PPFIA2: variants seen among roughly 807,000 people sequenced by gnomAD.
The protein encoded by PPFIA2 is liprin-alpha-2.
A neutral mutation model predicts 175.5 loss-of-function variants in PPFIA2; 46 were observed. The observed-to-expected ratio is 0.26, with a 90% CI of 0.21 to 0.34. The LOEUF is 0.34. Among genes scored for constraint, PPFIA2 ranks in the 10% least tolerant of loss-of-function variants. PPFIA2 has a pLI of 1.00. For missense variants in PPFIA2, 1,179 were observed against 1,506.1 expected (o/e 0.78, Z 3.60); for synonymous variants, 568 against 511.4 (o/e 1.11, Z -1.49).
intron 4 of PPFIA2, among the ~76,000 whole-genome samples, chr12:81,656,903 C>T (rs966665413): frequency 6.6e-6 from 1 of 151,820 alleles, no homozygotes; most frequent in Non-Finnish European, 1.5e-5. Flanking sequence ...GGGCATATTC[C>T]TATTATGTGG....
chr12:81,458,595 T>C (rs1216585057), intron 4 of PPFIA2, among the ~76,000 whole-genome samples: 1 of 152,088 alleles, frequency 6.6e-6, no homozygotes, highest in Non-Finnish European at 1.5e-5. Context: ...AGTAATTCTG[T>C]CTTCATGTGG....
chr12:81,756,073 G>T lies in PPFIA2; in HGVS notation c.-2-1850C>A, dbSNP rs187760176. 4.8e-3 allele frequency among the ~76,000 whole-genome samples: 726 copies of T among 151,298 alleles called. 4 individuals carry two copies. The highest frequency in any genetic ancestry group is 0.017 in the African/African-American group (691 of 41,252). On this transcript the variant is annotated intron_variant, in intron 2 of 32. Coordinates refer to ENST00000549396, the MANE Select transcript of PPFIA2 (RefSeq NM_003625.5). Reference sequence around the variant, plus strand: ...TCCAACACATTTGATTATTTAAAACGATTAGTTAGCAGGCCATGCATGAAA... The same window carrying T: ...TCCAACACATTTGATTATTTAAAACTATTAGTTAGCAGGCCATGCATGAAA...
At chr12:81,504,979 CACCGGG>C (rs2060992413) in intron 4 of PPFIA2, among the ~76,000 whole-genome samples, 1 of 152,134 alleles carries the variant, frequency 6.6e-6, no homozygotes. Flanking sequence ...GAACATCACA[CACCGGG>C]CCCTGTCAGG....
intron 24 of PPFIA2, among the ~76,000 whole-genome samples, chr12:81,285,459 T>A (rs2043097022): frequency 6.6e-6 from 1 of 152,116 alleles, no homozygotes; most frequent in African/African-American, 2.4e-5. Context: ...TAACTACATA[T>A]AAATTGATGA....
intron 28 of PPFIA2, among the ~76,000 whole-genome samples, chr12:81,275,296 T>C (rs1050994204): frequency 3.3e-5 from 5 of 152,220 alleles, no homozygotes; most frequent in African/African-American, 1.2e-4. Context: ...TTCGAAGTAA[T>C]GCATCAAATG....
At chr12:81,736,033 T>C (rs964697695) in intron 3 of PPFIA2, among the ~76,000 whole-genome samples, 1 of 151,920 alleles carries the variant, frequency 6.6e-6, no homozygotes, top group Non-Finnish European at 1.5e-5. Flanking sequence ...TTTTTCAAGA[T>C]TGTTTTAATT....
chr12:81,396,645 T>G (rs2041185354), intron 8 of PPFIA2, among the ~76,000 whole-genome samples: 1 of 152,056 alleles, frequency 6.6e-6, no homozygotes, highest in Non-Finnish European at 1.5e-5. Context: ...CACTCTTGTA[T>G]CAAAATATCA....
Position 81,405,837 on chromosome 12 carries a change from C to T in PPFIA2, c.712G>A (p.Glu238Lys), listed in dbSNP as rs746475710. The T allele has an allele frequency of 3.2e-6, 5 of 1,582,404 alleles. No homozygotes were observed. In the East Asian group the frequency reaches 1.1e-4, roughly 36 times the overall value. Reference sequence around the variant, plus strand: ...TCCATCCCTTCAAGATGTTCTGACTCTGTGGATCCCTCGCTTGATGCCATT... The same window carrying T: ...TCCATCCCTTCAAGATGTTCTGACTTTGTGGATCCCTCGCTTGATGCCATT... ...RKMASSEGST[E>K]SEHLEGMEPG... Residue 238 changes from glutamate to lysine, a missense_variant, in exon 8 of 33, where the codon GAG becomes AAG. Glu to Lys is a moderately conservative substitution (Grantham distance 56). Transcript: ENST00000549396.
chr12:81,303,913 C>T (rs1219469862), intron 22 of PPFIA2, among the ~76,000 whole-genome samples: 2 of 152,326 alleles, frequency 1.3e-5, no homozygotes, highest in Middle Eastern at 3.4e-3. Flanking sequence ...GGTTGAATGA[C>T]TAAATCCAGA....
At chr12:81,274,516 T>C (rs1459965314) in intron 28 of PPFIA2, among the ~76,000 whole-genome samples, 1 of 145,198 alleles carries the variant, frequency 6.9e-6, no homozygotes, top group Non-Finnish European at 1.5e-5. Flanking sequence ...AAAATACTTC[T>C]TTTTTTTTTC....
chr12:81,449,909 A>G (rs1352997308), intron 5 of PPFIA2, among the ~76,000 whole-genome samples: 2 of 150,588 alleles, frequency 1.3e-5, no homozygotes, highest in Non-Finnish European at 2.9e-5. Flanking sequence ...TTGTCCTTGC[A>G]ATAGTTTGCT....
intron 4 of PPFIA2, among the ~76,000 whole-genome samples, chr12:81,484,736 C>G (rs896344444): frequency 6.6e-6 from 1 of 151,816 alleles, no homozygotes; most frequent in Non-Finnish European, 1.5e-5. Flanking sequence ...TTTAAAACTT[C>G]ATATGTTAAA....
At chr12:81,496,402 A>T (rs2060027737) in intron 4 of PPFIA2, among the ~76,000 whole-genome samples, 1 of 152,212 alleles carries the variant, frequency 6.6e-6, no homozygotes, top group Admixed American at 6.5e-5. Context: ...CTATTATATC[A>T]TGTGAAATTT....
At chr12:81,662,030 T>G (rs2068985138) in intron 4 of PPFIA2, among the ~76,000 whole-genome samples, 1 of 151,856 alleles carries the variant, frequency 6.6e-6, no homozygotes, top group Non-Finnish European at 1.5e-5. Context: ...TACCAGAATC[T>G]CTGGGACACA....
chr12:81,368,308 T>C (rs2034122770), intron 13 of PPFIA2: 1 of 476,128 alleles, frequency 2.1e-6, no homozygotes. Context: ...ATAAACTCAC[T>C]TACATTTTGA....
rs371002254 is a variant in PPFIA2, at chr12:81,642,697, CATGTATATGT to C, written c.303+34084_303+34093del. 3.0e-4 allele frequency among the ~76,000 whole-genome samples: 2 copies of C among 6,716 alleles called. 1 individual carries two copies. The highest frequency in any genetic ancestry group is 9.6e-4 in the African/African-American group (2 of 2,082). The allele number at this position is 6,716 out of a possible 152,430, so 4.4% of individuals were successfully genotyped here. On this transcript the variant is annotated intron_variant, in intron 4 of 32. Transcript: ENST00000549396. ...CATGTATGTATCTATTATATACATACATGTATATGTATGTATGTATTATATACATACATGT... is the reference window on the plus strand; with the variant it reads ...CATGTATGTATCTATTATATACATACATGTATGTATTATATACATACATGT...
At chr12:81,447,958 A>G (rs933786133) in intron 5 of PPFIA2, among the ~76,000 whole-genome samples, 7 of 152,164 alleles carry the variant, frequency 4.6e-5, no homozygotes, top group African/African-American at 1.7e-4. Flanking sequence ...CTATCCTTCA[A>G]TCTGATGACA....
At chr12:81,475,416 T>C (rs2057346806) in intron 4 of PPFIA2, among the ~76,000 whole-genome samples, 2 of 152,230 alleles carry the variant, frequency 1.3e-5, no homozygotes, top group African/African-American at 4.8e-5. Context: ...TTTAAAACTG[T>C]TATTCTGTAA....
At chr12:81,662,672 A>G (rs1010452931) in intron 4 of PPFIA2, among the ~76,000 whole-genome samples, 2 of 152,216 alleles carry the variant, frequency 1.3e-5, no homozygotes, top group African/African-American at 4.8e-5. Flanking sequence ...ATCAATTGAA[A>G]AAGAAGTAAT....
Sources: gnomAD v4.1 joint callset for allele counts (sites outside exome capture counted in the v4.1 genomes callset) on GRCh38, gnomAD v4.1.1 for gene constraint, MANE v1.5 for transcripts, NCBI Gene and HGNC (gene_info 2026-07-23, HGNC 2026-07-21) for gene names.